PRKCE: variants seen among roughly 807,000 people sequenced by gnomAD.
The protein encoded by PRKCE is protein kinase C epsilon type.
A neutral mutation model predicts 85.4 loss-of-function variants in PRKCE; 16 were observed. The observed-to-expected ratio is 0.19, with a 90% confidence interval of 0.13 to 0.28. The LOEUF (loss-of-function observed/expected upper bound fraction) is 0.28, where lower values mean the gene tolerates loss of function less well. PRKCE is among the 10% of genes least tolerant of loss of function. The probability of loss-of-function intolerance (pLI) is 1.00; values close to 1 mark genes in which losing one functional copy is unlikely to be tolerated. For missense variants in PRKCE, 573 were observed against 975.2 expected, an observed-to-expected ratio of 0.59 and a Z score of 5.49; for synonymous variants, 388 against 371.5, an observed-to-expected ratio of 1.04 and a Z score of -0.51.
chr2:45,734,564 C>G (rs1037768871), intron 1 of PRKCE, among the ~76,000 whole-genome samples: 1 of 152,210 alleles, frequency 6.6e-6, no homozygotes, highest in Non-Finnish European at 1.5e-5. Flanking sequence ...GACTGGGAAT[C>G]TGACAAACAC....
In PRKCE at chr2:45,652,077, C is replaced by G. The variant is rs200186038; in HGVS notation, c.-24C>G. 354 of 1,502,886 alleles carry G rather than the reference C, an allele frequency of 2.4e-4. 3 individuals carry two copies. The African/African-American group carries it at 4.5e-3, about 19-fold the overall frequency. The allele number at this position is 1,502,886 out of a possible 1,614,324, so 93.1% of individuals were successfully genotyped here. ...GCCCTCGGGGCAGACGGAGTGACCC[C>G]GGCCCCCACTCCCCGCCCCGACCAT... is the stretch of plus-strand genomic sequence containing the variant. On this transcript the variant is annotated 5_prime_UTR_variant, in exon 1 of 15. Transcript: ENST00000306156. This position sits in a 1 kb window ranked among gnomAD's most constrained non-coding sequence, Gnocchi z 7.7.
chr2:45,846,513 A>G (rs4953270), intron 2 of PRKCE, among the ~76,000 whole-genome samples: 67,872 of 152,006 alleles, frequency 0.45, 15,304 homozygotes, highest in Middle Eastern at 0.56. Flanking sequence ...AATACAGAGG[A>G]TACAAAGGAA....
chr2:45,912,789 G>A (rs1381527252), intron 2 of PRKCE, among the ~76,000 whole-genome samples: 1 of 152,156 alleles, frequency 6.6e-6, no homozygotes, highest in East Asian at 1.9e-4. Flanking sequence ...ATTTGGAAAT[G>A]ACAAAATAGA....
chr2:45,806,938 A>G (rs1027305381), intron 1 of PRKCE, among the ~76,000 whole-genome samples: 9 of 152,084 alleles, frequency 5.9e-5, no homozygotes, highest in African/African-American at 1.9e-4. Context: ...GCCCCTGAGG[A>G]TGTTTTGCCT....
intron 1 of PRKCE, among the ~76,000 whole-genome samples, chr2:45,804,198 T>C (rs1461696621): frequency 6.6e-6 from 1 of 152,182 alleles, no homozygotes; most frequent in Non-Finnish European, 1.5e-5. Context: ...GCAAACCCAA[T>C]GCTGCGTAGC....
At chr2:45,881,348 G>A (rs1219173966) in intron 2 of PRKCE, among the ~76,000 whole-genome samples, 1 of 152,118 alleles carries the variant, frequency 6.6e-6, no homozygotes, top group Non-Finnish European at 1.5e-5. Context: ...GATGAGACAA[G>A]TGTTGCAATC....
chr2:46,169,457 C>T (rs1403502930), intron 14 of PRKCE, among the ~76,000 whole-genome samples: 1 of 152,138 alleles, frequency 6.6e-6, no homozygotes, highest in Non-Finnish European at 1.5e-5. Context: ...ACCTATTTCG[C>T]CTTAACAGCA....
rs556050472 is a variant in PRKCE, at chr2:45,786,632, T to C, written c.349-56368T>C. Among the ~76,000 whole-genome samples, 2 of 152,276 alleles carry C rather than the reference T, an allele frequency of 1.3e-5. No individual in the cohort carries two copies. The highest frequency in any genetic ancestry group is 4.8e-5 in the African/African-American group (2 of 41,558). On this transcript the variant is annotated intron_variant, in intron 1 of 14. Coordinates refer to ENST00000306156, the MANE Select transcript of PRKCE (RefSeq NM_005400.3). The surrounding 1 kb of genome is among the most constrained non-coding windows in gnomAD (Gnocchi z 5.3). ...TCAACTGGGAAGACAGAGTATTTTGTATGAGATTCAGGGGTGGGAGTGAGG... is the reference window on the plus strand; with the variant it reads ...TCAACTGGGAAGACAGAGTATTTTGCATGAGATTCAGGGGTGGGAGTGAGG...
intron 11 of PRKCE, among the ~76,000 whole-genome samples, chr2:46,108,419 A>T (rs1671950097): frequency 6.6e-6 from 1 of 152,234 alleles, no homozygotes; most frequent in South Asian, 2.1e-4. Flanking sequence ...AACAACAAAT[A>T]TAGCATGTCT....
intron 11 of PRKCE, among the ~76,000 whole-genome samples, chr2:46,120,206 C>A (rs1207657699): frequency 3.3e-5 from 5 of 152,194 alleles, no homozygotes. Flanking sequence ...CTTCACCTCC[C>A]CAGTGAAAAG....
chr2:45,995,873 T>G (rs1204356992), intron 6 of PRKCE, among the ~76,000 whole-genome samples: 1 of 152,184 alleles, frequency 6.6e-6, no homozygotes, highest in African/African-American at 2.4e-5. Context: ...CCATATAAAC[T>G]TTAGAATGAG....
chr2:46,164,299 C>G (rs1359309670), intron 14 of PRKCE, among the ~76,000 whole-genome samples: 1 of 152,198 alleles, frequency 6.6e-6, no homozygotes, highest in Non-Finnish European at 1.5e-5. Flanking sequence ...TGAGCAAACA[C>G]CATCAGCCTT....
At chr2:45,735,375 G>A (rs1051259028) in intron 1 of PRKCE, among the ~76,000 whole-genome samples, 3 of 152,244 alleles carry the variant, frequency 2.0e-5, no homozygotes, top group Non-Finnish European at 2.9e-5. Context: ...AATCAAAGCA[G>A]CTGTAAGACA....
intron 1 of PRKCE, among the ~76,000 whole-genome samples, chr2:45,693,242 G>A (rs1463983962): frequency 1.3e-5 from 2 of 152,194 alleles, no homozygotes; most frequent in Non-Finnish European, 2.9e-5. Context: ...AAGATAGGGG[G>A]TTCAGGCAGA....
At chr2:45,966,617 T>C (rs1043818403) in intron 2 of PRKCE, among the ~76,000 whole-genome samples, 7 of 152,214 alleles carry the variant, frequency 4.6e-5, no homozygotes, top group Non-Finnish European at 1.0e-4. Context: ...CCTGATGAGC[T>C]GACCCCCACC....
chr2:45,677,746 C>T (rs1473548145), intron 1 of PRKCE: 6 of 473,098 alleles, frequency 1.3e-5, no homozygotes, highest in South Asian at 9.1e-5. Flanking sequence ...TAAAGATACT[C>T]TGGCTTGTGG....
intron 2 of PRKCE, among the ~76,000 whole-genome samples, chr2:45,943,086 G>T (rs184432529): frequency 8.7e-4 from 132 of 152,164 alleles, no homozygotes; most frequent in African/African-American, 2.9e-3. Flanking sequence ...AATCATTTTA[G>T]CCAAAGAGGA....
rs1669636824 is a variant in PRKCE at position 46,086,343 on chromosome 2, C to A, written c.1573C>A (p.Gln525Lys). 6.3e-7 allele frequency: 1 copy of A among 1,599,492 alleles called. No homozygotes were observed. The highest frequency in any genetic ancestry group is 1.1e-5 in the South Asian group (1 of 91,050). The change falls in exon 11 of 15, where the codon CAG (glutamine) becomes AAG (lysine). Residue 525 changes from glutamine to lysine, a missense_variant. Physicochemically the swap from Gln to Lys is moderately conservative, Grantham distance 53 (BLOSUM62 1). Coordinates refer to ENST00000306156, the MANE Select transcript of PRKCE (RefSeq NM_005400.3). ...CACATCGGCCCTCATGTTCCTCCAC[C>A]AGCATGGAGTCATCTACAGGTAGCC... Reference protein sequence around the residue: ...EVTSALMFLHQHGVIYRDLKL... With the variant: ...EVTSALMFLHKHGVIYRDLKL...
At chr2:45,987,629 C>T (rs745689254) in intron 6 of PRKCE, among the ~76,000 whole-genome samples, 13 of 152,130 alleles carry the variant, frequency 8.5e-5, no homozygotes, top group Non-Finnish European at 1.5e-4. Flanking sequence ...CAGCAGCACA[C>T]GTGCACAGCC....
Sources: allele counts gnomAD v4.1 joint callset (sites outside exome capture counted in the v4.1 genomes callset), GRCh38; gene constraint gnomAD v4.1.1; non-coding constraint Gnocchi (gnomAD v3.1); transcripts MANE v1.5; gene names NCBI Gene and HGNC (gene_info 2026-07-23, HGNC 2026-07-21).